The following PTPRG variants were observed in gnomAD, a reference collection of about 807,000 sequenced individuals.
The protein encoded by PTPRG is protein tyrosine phosphatase receptor type G.
In PTPRG, 102 loss-of-function variants were observed where a neutral mutation model predicts 165.3. The ratio of observed to expected loss-of-function variants is 0.62; its 90% CI spans 0.53 to 0.73. The LOEUF (loss-of-function observed/expected upper bound fraction) is 0.73, where lower values mean the gene tolerates loss of function less well. Among genes scored for constraint, PTPRG ranks in the 30% least tolerant of loss-of-function variants. PTPRG has a pLI of 0.00. For missense variants in PTPRG, 1,866 were observed against 1,861.4 expected, an observed-to-expected ratio of 1.00 and a Z score of -0.05; for synonymous variants, 675 against 669.5, an observed-to-expected ratio of 1.01 and a Z score of -0.13.
intron 2 of PTPRG, among the ~76,000 whole-genome samples, chr3:61,797,221 G>C (rs1448401775): frequency 6.6e-6 from 1 of 152,182 alleles, no homozygotes; most frequent in African/African-American, 2.4e-5. Flanking sequence ...CCATTTAACA[G>C]ATCTCACTGA....
intron 15 of PTPRG, among the ~76,000 whole-genome samples, chr3:62,251,632 C>G (rs1576179671): frequency 6.6e-6 from 1 of 150,904 alleles, no homozygotes; most frequent in East Asian, 1.9e-4. Context: ...ACAGTGAGAC[C>G]ATGTCTCAAA....
rs555859623 is a variant in PTPRG at position 61,732,861 on chromosome 3, ACAT to A, written c.86-16016_86-16014del. On this transcript the variant is annotated intron_variant, in intron 1 of 29. Coordinates refer to ENST00000474889, the MANE Select transcript of PTPRG (RefSeq NM_002841.4). ...AAATGTGAACATATGCCTGCGTGGA[ACAT>A]TCCCTTTTTCTGTTTAAAAGAAAGT... is the stretch of plus-strand genomic sequence containing the variant. Among the ~76,000 whole-genome samples the A allele has an allele frequency of 2.7e-3, 417 of 152,330 alleles. 3 individuals are homozygous for A. The highest frequency in any genetic ancestry group is 8.9e-3 in the African/African-American group (372 of 41,572).
At chr3:61,613,002 C>T (rs1701214827) in intron 1 of PTPRG, among the ~76,000 whole-genome samples, 2 of 152,102 alleles carry the variant, frequency 1.3e-5, no homozygotes, top group Admixed American at 1.3e-4. Flanking sequence ...TGCTCACCTT[C>T]GACGAGAAAT....
chr3:61,580,274 TCAAA>T (rs1219069189), intron 1 of PTPRG, among the ~76,000 whole-genome samples: 1 of 151,918 alleles, frequency 6.6e-6, no homozygotes, highest in African/African-American at 2.4e-5. Flanking sequence ...AGACCCTATC[TCAAA>T]CAAACAAAAT....
chr3:62,112,142 C>T (rs1702690937), intron 5 of PTPRG, among the ~76,000 whole-genome samples: 1 of 152,048 alleles, frequency 6.6e-6, no homozygotes, highest in Admixed American at 6.6e-5. Flanking sequence ...ACTCTGTCGC[C>T]CACGCTGGAG....
intron 2 of PTPRG, among the ~76,000 whole-genome samples, chr3:61,850,043 C>T (rs1575720472): frequency 6.6e-6 from 1 of 152,168 alleles, no homozygotes; most frequent in South Asian, 2.1e-4. Context: ...CCCTTCTCCC[C>T]TTCTTCTCAA....
intron 4 of PTPRG, among the ~76,000 whole-genome samples, chr3:62,072,346 T>G (rs1225021503): frequency 6.6e-6 from 1 of 152,200 alleles, no homozygotes; most frequent in Admixed American, 6.5e-5. Context: ...CCTGTAAAAT[T>G]CCATTTTCCA....
At chr3:61,776,302 G>T (rs536956262) in intron 2 of PTPRG, among the ~76,000 whole-genome samples, 1 of 152,054 alleles carries the variant, frequency 6.6e-6, no homozygotes, top group Non-Finnish European at 1.5e-5. Flanking sequence ...CTATGAGCTT[G>T]ACTTACTTCC....
intron 1 of PTPRG, among the ~76,000 whole-genome samples, chr3:61,729,913 C>T (rs1165294900): frequency 6.6e-6 from 1 of 152,118 alleles, no homozygotes; most frequent in Non-Finnish European, 1.5e-5. Context: ...AAAAAGAATT[C>T]ATCATGGAAA....
chr3:61,894,413 G>A (rs2107506837), intron 2 of PTPRG, among the ~76,000 whole-genome samples: 1 of 149,978 alleles, frequency 6.7e-6, no homozygotes, highest in South Asian at 2.1e-4. Flanking sequence ...TGAAAAAGAT[G>A]GTTTACTCTG....
At chr3:62,093,249 G>A (rs9809244) in intron 5 of PTPRG, among the ~76,000 whole-genome samples, 19,866 of 152,152 alleles carry the variant, frequency 0.13, 3,062 homozygotes, top group African/African-American at 0.38. Context: ...CTGCTTAGGC[G>A]GTTGATGATT....
chr3:61,975,590 T>G (rs2040484081), intron 2 of PTPRG, among the ~76,000 whole-genome samples: 1 of 152,194 alleles, frequency 6.6e-6, no homozygotes, highest in South Asian at 2.1e-4. Flanking sequence ...AGCTGCCACA[T>G]CTCACCATGG....
chr3:62,017,607 G>GTAGA (rs2041580250), intron 4 of PTPRG, among the ~76,000 whole-genome samples: 1 of 88,438 alleles, frequency 1.1e-5, no homozygotes. Context: ...TTTTTTTTTA[G>GTAGA]TAGAGACGGG....
chr3:62,061,687 G>C (rs1700818558), intron 4 of PTPRG, among the ~76,000 whole-genome samples: 2 of 150,896 alleles, frequency 1.3e-5, no homozygotes, highest in Non-Finnish European at 2.9e-5. Context: ...GGAGTGTAGT[G>C]GTGCCATCTC....
chr3:61,682,838 T>C (rs1703497922), intron 1 of PTPRG, among the ~76,000 whole-genome samples: 1 of 152,200 alleles, frequency 6.6e-6, no homozygotes, highest in South Asian at 2.1e-4. Flanking sequence ...GGCGGATTAA[T>C]TCCTAAGCAA....
At chr3:62,207,064 G>A (rs1700249947) in intron 12 of PTPRG, among the ~76,000 whole-genome samples, 1 of 152,060 alleles carries the variant, frequency 6.6e-6, no homozygotes. Context: ...AGCAGTTCAA[G>A]TCTGAAAATG....
intron 14 of PTPRG, among the ~76,000 whole-genome samples, chr3:62,236,898 G>C (rs538908355): frequency 5.3e-5 from 8 of 152,278 alleles, no homozygotes; most frequent in Middle Eastern, 6.8e-3. Context: ...GGGTGTACGT[G>C]TTGACCCAGA....
chr3:61,891,985 CT>C (rs1380749595), intron 2 of PTPRG, among the ~76,000 whole-genome samples: 1 of 151,772 alleles, frequency 6.6e-6, no homozygotes, highest in African/African-American at 2.4e-5. Context: ...AATTTTATAG[CT>C]GCCTTTATGA....
At chr3:62,088,186 G>C (rs1322464842) in intron 5 of PTPRG, among the ~76,000 whole-genome samples, 2 of 152,182 alleles carry the variant, frequency 1.3e-5, no homozygotes, top group African/African-American at 4.8e-5. Context: ...GGCACTGCTG[G>C]CATCTCACGG....
Sources: gnomAD v4.1 joint callset for allele counts (sites outside exome capture counted in the v4.1 genomes callset) on GRCh38, gnomAD v4.1.1 for gene constraint, MANE v1.5 for transcripts, NCBI Gene and HGNC (gene_info 2026-07-23, HGNC 2026-07-21) for gene names.